Variants in PDZD2 observed in about 807,000 individuals in gnomAD.
PDZD2 encodes PDZ domain containing 2, also known as PDZ domain-containing protein 2.
A neutral mutation model predicts 220.7 loss-of-function variants in PDZD2; 90 were observed. The observed-to-expected ratio is 0.41, with a 90% CI of 0.34 to 0.49. The LOEUF (loss-of-function observed/expected upper bound fraction) is 0.49, where lower values mean the gene tolerates loss of function less well. PDZD2 is among the 20% of genes least tolerant of loss of function. PDZD2 has a pLI of 0.28. For missense variants in PDZD2, 3,174 were observed against 3,608.5 expected (o/e 0.88, Z 3.08); for synonymous variants, 1,375 against 1,450.5 (o/e 0.95, Z 1.18).
chr5:31,870,361 G>A (rs1446095928), intron 2 of PDZD2, among the ~76,000 whole-genome samples: 1 of 152,200 alleles, frequency 6.6e-6, no homozygotes, highest in Non-Finnish European at 1.5e-5. Context: ...CACTGTGGGA[G>A]CGTCTTGCAA....
At chr5:31,746,947 G>A (rs1027719528) in intron 1 of PDZD2, among the ~76,000 whole-genome samples, 3 of 152,152 alleles carry the variant, frequency 2.0e-5, no homozygotes, top group South Asian at 2.1e-4. Context: ...AGGCTGAGGC[G>A]TTGGGGAGCA....
chr5:31,818,874 T>C (rs1755639795), intron 2 of PDZD2, among the ~76,000 whole-genome samples: 2 of 152,242 alleles, frequency 1.3e-5, no homozygotes, highest in African/African-American at 4.8e-5. Flanking sequence ...TCTATCATGC[T>C]AACTCAACAG....
rs752571546 is a variant in PDZD2 at position 31,995,663 on chromosome 5, C to T, written c.1066C>T (p.Arg356Cys). The T allele has an allele frequency of 3.7e-6, 6 of 1,614,020 alleles. No homozygotes were observed. In the Admixed American group the frequency reaches 5.0e-5, roughly 13 times the overall value. Residue 356 changes from arginine to cysteine, a missense_variant, in exon 4 of 25, where the codon CGC becomes TGC. Arg to Cys is a radical substitution (Grantham distance 180). This residue lies in a region of PDZD2 where 632 missense variants were observed against 708.1 expected (regional missense o/e 0.89). Coordinates refer to ENST00000438447, the MANE Select transcript of PDZD2 (RefSeq NM_178140.4). ...GGTTAGTGGAGGCCGAGGATCAAAG[C>T]GCTCACCTCACGCTATCGTTGTCAC... ...IQVSGGRGSK[R>C]SPHAIVVTQV...
In PDZD2 at chr5:32,059,290, G is replaced by C; in HGVS notation, c.2252G>C (p.Ser751Thr). ...IGACCLALEN[S>T]PPGIYIHSLA... ...GCCTGCTGCTTGGCTCTGGAAAACAGTCCTCCTGGCATCTACATTCACAGC... is the reference window on the plus strand; with the variant it reads ...GCCTGCTGCTTGGCTCTGGAAAACACTCCTCCTGGCATCTACATTCACAGC... Residue 751 changes from serine (S) to threonine (T), a missense_variant, in exon 13 of 25, where the codon AGT (serine) becomes ACT (threonine). Coordinates refer to ENST00000438447, the MANE Select transcript of PDZD2 (RefSeq NM_178140.4). 6.2e-7 allele frequency: 1 copy of C among 1,613,870 alleles called. No homozygotes were observed. The highest frequency in any genetic ancestry group is 8.5e-7 in the Non-Finnish European group (1 of 1,179,746).
At chr5:31,803,108 T>TTTTA (rs1754499471) in intron 2 of PDZD2, among the ~76,000 whole-genome samples, 3 of 150,586 alleles carry the variant, frequency 2.0e-5, no homozygotes, top group African/African-American at 7.3e-5. Flanking sequence ...TTTATTTTTT[T>TTTTA]TTTTTGCAGA....
intron 2 of PDZD2, among the ~76,000 whole-genome samples, chr5:31,963,762 C>T (rs1262847004): frequency 6.6e-6 from 1 of 152,170 alleles, no homozygotes; most frequent in Non-Finnish European, 1.5e-5. Flanking sequence ...TTTTGAAAAA[C>T]ATCTGTCTCA....
intron 2 of PDZD2, among the ~76,000 whole-genome samples, chr5:31,816,189 G>C (rs1755439545): frequency 6.6e-6 from 1 of 151,424 alleles, no homozygotes; most frequent in African/African-American, 2.4e-5. Flanking sequence ...TCGGGAGGCT[G>C]AGGCAGGAGA....
intron 21 of PDZD2, among the ~76,000 whole-genome samples, chr5:32,094,130 G>A (rs1743430617): frequency 3.3e-5 from 5 of 151,480 alleles, no homozygotes; most frequent in Admixed American, 3.3e-4. Flanking sequence ...TAAAGAGGCT[G>A]AAGAAACCCT....
intron 1 of PDZD2, among the ~76,000 whole-genome samples, chr5:31,789,378 A>T (rs1246125553): frequency 6.6e-6 from 1 of 152,210 alleles, no homozygotes; most frequent in Admixed American, 6.5e-5. Flanking sequence ...GGAAAAAGCG[A>T]GCAGGATACT....
In PDZD2 at chr5:32,110,447, CTATT is replaced by C. The variant is rs1196574377; in HGVS notation, c.*2318_*2321del. 1 of 152,610 alleles carries C rather than the reference CTATT, an allele frequency of 6.6e-6. No homozygotes were observed. The highest frequency in any genetic ancestry group is 2.4e-5 in the African/African-American group (1 of 41,452). The allele number at this position is 152,610 out of a possible 1,614,324, so 9.5% of individuals were successfully genotyped here. A position where few individuals can be genotyped will look rare whatever the true frequency, so the allele number is the denominator to read the frequency against. ...CTTTGACCCTAAGATAGATAGAAAG[CTATT>C]TATTTGTCTTCAGTGTTCAAGGCAT... On this transcript the variant is annotated 3_prime_UTR_variant, in exon 25 of 25. Transcript: ENST00000438447.
intron 6 of PDZD2, among the ~76,000 whole-genome samples, chr5:32,025,195 A>C (rs1239922221): frequency 6.6e-6 from 1 of 152,220 alleles, no homozygotes; most frequent in Non-Finnish European, 1.5e-5. Context: ...GATCTGGGGA[A>C]GGCAGCGGAA....
chr5:31,732,617 T>G (rs2150157603), intron 1 of PDZD2, among the ~76,000 whole-genome samples: 1 of 152,340 alleles, frequency 6.6e-6, no homozygotes, highest in South Asian at 2.1e-4. Context: ...ATTTGCTATC[T>G]AAGAGATTGT....
chr5:32,091,282 T>TC (rs1743133900), intron 20 of PDZD2, 107 bp downstream of exon 20: 2 of 498,778 alleles, frequency 4.0e-6, no homozygotes, highest in Non-Finnish European at 5.9e-6. Flanking sequence ...CCACTTACTT[T>TC]TTTTTTTTTT....
chr5:31,854,866 T>C (rs1758288932), intron 2 of PDZD2: 1 of 504,816 alleles, frequency 2.0e-6, no homozygotes, highest in South Asian at 8.4e-5. Context: ...GAGTTTAGGA[T>C]TGCATTACAG....
intron 4 of PDZD2, 97 bp downstream of exon 4, chr5:31,995,815 C>T (rs1482027180): frequency 1.8e-6 from 2 of 1,125,868 alleles, no homozygotes; most frequent in African/African-American, 1.5e-5. Context: ...TGTTCAAAGC[C>T]CTGGCGATTA....
intron 12 of PDZD2, among the ~76,000 whole-genome samples, chr5:32,058,940 G>A (rs1296854326): frequency 1.3e-5 from 2 of 152,132 alleles, no homozygotes; most frequent in African/African-American, 2.4e-5. Context: ...GAATAAAAAC[G>A]TTACTTATAG....
intron 6 of PDZD2, among the ~76,000 whole-genome samples, chr5:32,033,265 T>TAA (rs757500243): frequency 6.6e-6 from 1 of 152,218 alleles, no homozygotes; most frequent in East Asian, 1.9e-4. Flanking sequence ...GGGACTCTCT[T>TAA]AGAGTGTGGA....
intron 2 of PDZD2, among the ~76,000 whole-genome samples, chr5:31,956,546 C>CAAAA (rs201323301): frequency 1.1e-5 from 1 of 92,024 alleles, no homozygotes; most frequent in Non-Finnish European, 2.2e-5. Context: ...GACTCTGTCT[C>CAAAA]AAAAAAAAAA....
Position 31,968,301 on chromosome 5 carries a change from T to C in PDZD2, c.477-14854T>C, listed in dbSNP as rs138406097. Among the ~76,000 whole-genome samples the C allele has an allele frequency of 4.3e-4, 65 of 152,056 alleles. 1 individual carries two copies. In the East Asian group the frequency reaches 0.012, roughly 29 times the overall value. Reference sequence around the variant, plus strand: ...TGAACCCGAGAGGCAGAGGTTGCAGTGAGCCGAGATCGCACCACTGTGCTC... The same window carrying C: ...TGAACCCGAGAGGCAGAGGTTGCAGCGAGCCGAGATCGCACCACTGTGCTC... On this transcript the variant is annotated intron_variant, in intron 2 of 24. Transcript: ENST00000438447.
Sources: allele counts gnomAD v4.1 joint callset (sites outside exome capture counted in the v4.1 genomes callset), GRCh38; gene constraint gnomAD v4.1.1; regional missense constraint gnomAD v4.1.1; transcripts MANE v1.5; gene names NCBI Gene and HGNC (gene_info 2026-07-23, HGNC 2026-07-21).